Variants in CACNA1D observed in about 807,000 individuals in gnomAD.
The protein encoded by CACNA1D is calcium voltage-gated channel subunit alpha1 D, also known as voltage-dependent L-type calcium channel subunit alpha-1D.
In CACNA1D, 55 loss-of-function variants were observed where a neutral mutation model predicts 257.1. That is an observed-to-expected ratio of 0.21 (90% CI 0.17 to 0.27). The LOEUF is 0.27. Among genes scored for constraint, CACNA1D ranks in the 10% least tolerant of loss-of-function variants. The pLI, the probability that CACNA1D is intolerant of heterozygous loss-of-function variation, is 1.00. For synonymous variants in CACNA1D, 980 were observed against 1,014.9 expected, an observed-to-expected ratio of 0.97 and a Z score of 0.65; for missense variants, 1,876 against 2,784.0, an observed-to-expected ratio of 0.67 and a Z score of 7.34.
chr3:53,543,199 A>C (rs2092342099), intron 3 of CACNA1D, among the ~76,000 whole-genome samples: 1 of 151,986 alleles, frequency 6.6e-6, no homozygotes, highest in Admixed American at 6.6e-5. Flanking sequence ...ACCAAAACAA[A>C]CCCAAAGCAA....
chr3:53,660,123 C>T lies in CACNA1D; in HGVS notation c.624-10C>T. 1 of 1,612,982 alleles carries T rather than the reference C, an allele frequency of 6.2e-7. No homozygotes were observed. The highest frequency in any genetic ancestry group is 8.5e-7 in the Non-Finnish European group (1 of 1,178,952). ...GACTCTAACATTTCTTTCTCTTTCT[C>T]TTCTTTCAGATTGTTTAGTGTAATT... On this transcript the variant is annotated splice_polypyrimidine_tract_variant and intron_variant, in intron 4 of 47. Transcript: ENST00000350061.
rs200271826 is a variant in CACNA1D, at chr3:53,804,991, A to G, written c.5594A>G (p.Tyr1865Cys). The G allele has an allele frequency of 3.7e-6, 6 of 1,613,574 alleles. No homozygotes were observed. The highest frequency in any genetic ancestry group is 2.2e-5 in the East Asian group (1 of 44,874). ...TCCTCTCTGACCTCCAGGCAAAACT[A>G]TGGCTACTACAGCAGATACCCAGGC... ...DSSPTWSRQN[Y>C]GYYSRYPGRN... is the part of the protein sequence containing the mutation. The change falls in exon 45 of 48, where the codon TAT becomes TGT. Residue 1865 changes from tyrosine (Y) to cysteine (C), a missense_variant. Coordinates refer to ENST00000350061, the MANE Select transcript of CACNA1D (RefSeq NM_001128840.3).
rs3821862 is a variant in CACNA1D at position 53,750,666 on chromosome 3, C to T, written c.3517-1083C>T. On this transcript the variant is annotated intron_variant, in intron 27 of 47. Coordinates refer to ENST00000350061, the MANE Select transcript of CACNA1D (RefSeq NM_001128840.3). ...AGAGGAGTGTCAGAGCAAGGCCAGG[C>T]CAGCCACGCAGAGCCAGCGCTGAAA... is the stretch of plus-strand genomic sequence containing the variant. 5.1e-4 allele frequency among the ~76,000 whole-genome samples: 78 copies of T among 152,288 alleles called. No homozygotes were observed. The East Asian group carries it at 0.014, about 28-fold the overall frequency.
chr3:53,787,917 T>A (rs1048182855), intron 40 of CACNA1D, among the ~76,000 whole-genome samples: 9 of 152,228 alleles, frequency 5.9e-5, no homozygotes, highest in Non-Finnish European at 8.8e-5. Flanking sequence ...AAGAATTTTT[T>A]AAAATCTATT....
intron 25 of CACNA1D, 43 bp downstream of exon 25, chr3:53,745,918 TA>T: frequency 6.8e-7 from 1 of 1,471,264 alleles, no homozygotes; most frequent in Non-Finnish European, 9.5e-7. Flanking sequence ...GAAGAGCAAA[TA>T]GCAGACTTCA....
chr3:53,643,061 G>T (rs1358767803), intron 3 of CACNA1D, among the ~76,000 whole-genome samples: 1 of 152,182 alleles, frequency 6.6e-6, no homozygotes, highest in African/African-American at 2.4e-5. Context: ...ATCAGGAGGG[G>T]TAAATGTCTC....
intron 19 of CACNA1D, among the ~76,000 whole-genome samples, chr3:53,733,988 ATATAC>A (rs2095029749): frequency 8.2e-6 from 1 of 121,672 alleles, no homozygotes; most frequent in African/African-American, 3.6e-5. Flanking sequence ...ATATATATAC[ATATAC>A]ATATACATAT....
rs749675464 is a variant in CACNA1D, at chr3:53,762,009, T to C, written c.3798T>C (p.Ser1266=). Residue 1266 remains serine (S), a synonymous_variant, in exon 30 of 48, where the codon AGT becomes AGC. Coordinates refer to ENST00000350061, the MANE Select transcript of CACNA1D (RefSeq NM_001128840.3). The part of the protein sequence containing the change: ...VIAFKPKGYF[S]DAWNTFDSLI... ...CCTGCTCTGTCCAGGGGTATTTTAG[T>C]GACGCCTGGAACACGTTTGACTCCC... 1.1e-5 allele frequency: 18 copies of C among 1,612,080 alleles called. No individual in the cohort carries two copies. In the South Asian group the frequency reaches 1.8e-4, roughly 16 times the overall value.
chr3:53,538,395 G>A (rs2107504285), intron 3 of CACNA1D, among the ~76,000 whole-genome samples: 1 of 152,210 alleles, frequency 6.6e-6, no homozygotes, highest in Admixed American at 6.5e-5. Context: ...CACCTCAAGT[G>A]ATCCGTCCCC....
At chr3:53,630,184 A>G (rs1026483845) in intron 3 of CACNA1D, among the ~76,000 whole-genome samples, 1 of 152,212 alleles carries the variant, frequency 6.6e-6, no homozygotes, top group African/African-American at 2.4e-5. Context: ...TTTTGTTTTC[A>G]TTATTCTGTA....
intron 43 of CACNA1D, 37 bp downstream of exon 43, chr3:53,802,210 T>G: frequency 6.6e-7 from 1 of 1,516,536 alleles, no homozygotes; most frequent in South Asian, 1.1e-5. Context: ...TTAAATACTG[T>G]GATGGTATGT....
At chr3:53,730,232 T>C (rs1426914080) in intron 15 of CACNA1D, among the ~76,000 whole-genome samples, 1 of 150,804 alleles carries the variant, frequency 6.6e-6, no homozygotes, top group Non-Finnish European at 1.5e-5. Flanking sequence ...GACTGTCCTT[T>C]TACAGGTTTT....
At chr3:53,753,207 A>G (rs1356884896) in intron 28 of CACNA1D, among the ~76,000 whole-genome samples, 1 of 152,254 alleles carries the variant, frequency 6.6e-6, no homozygotes, top group East Asian at 1.9e-4. Flanking sequence ...TACATGGCAT[A>G]AAATTTATCC....
intron 3 of CACNA1D, among the ~76,000 whole-genome samples, chr3:53,528,715 G>GT (rs2091849272): frequency 6.6e-6 from 1 of 152,118 alleles, no homozygotes. Flanking sequence ...AATGTTATTA[G>GT]TATAGAGGTC....
intron 3 of CACNA1D, among the ~76,000 whole-genome samples, chr3:53,613,745 G>T (rs2093607326): frequency 1.3e-5 from 2 of 151,842 alleles, no homozygotes; most frequent in South Asian, 4.2e-4. Flanking sequence ...TGCTTGGATT[G>T]AGAACTGTCA....
At chr3:53,564,192 G>A (rs1049815301) in intron 3 of CACNA1D, among the ~76,000 whole-genome samples, 5 of 151,760 alleles carry the variant, frequency 3.3e-5, no homozygotes, top group South Asian at 2.1e-4. Flanking sequence ...AGACAGTCTT[G>A]CTCTGTTGCC....
At chr3:53,507,072 C>CAAAAAAAAAAAAAAAAAA (rs781421977) in intron 3 of CACNA1D, among the ~76,000 whole-genome samples, 4 of 56,690 alleles carry the variant, frequency 7.1e-5, no homozygotes, top group Non-Finnish European at 6.7e-5. Flanking sequence ...GACTCTATCT[C>CAAAAAAAAAAAAAAAAAA]AAAAAAAAAA....
chr3:53,620,137 G>A (rs1386703553), intron 3 of CACNA1D, among the ~76,000 whole-genome samples: 2 of 152,142 alleles, frequency 1.3e-5, no homozygotes, highest in Non-Finnish European at 2.9e-5. Flanking sequence ...AGAAGTCCAG[G>A]CTCTCAGGGG....
intron 8 of CACNA1D, among the ~76,000 whole-genome samples, chr3:53,695,873 C>T (rs1317117921): frequency 6.6e-6 from 1 of 152,180 alleles, no homozygotes; most frequent in Non-Finnish European, 1.5e-5. Context: ...GTCTGTTCCT[C>T]CTTGCCTACA....
Sources: gnomAD v4.1 joint callset for allele counts (sites outside exome capture counted in the v4.1 genomes callset) on GRCh38, gnomAD v4.1.1 for gene constraint, MANE v1.5 for transcripts, NCBI Gene and HGNC (gene_info 2026-07-23, HGNC 2026-07-21) for gene names.